Variants in GMDS observed in about 807,000 individuals in gnomAD.
The protein encoded by GMDS is GDP-mannose 4,6 dehydratase.
Under a neutral mutation model 49.9 loss-of-function variants are expected in GMDS, and 20 were observed. That is an observed-to-expected ratio of 0.40 (90% confidence interval 0.28 to 0.58). The LOEUF is 0.58. GMDS is among the 20% of genes least tolerant of loss of function. GMDS has a pLI of 0.42. For missense variants in GMDS, 362 were observed against 481.4 expected, an observed-to-expected ratio of 0.75 and a Z score of 2.32; for synonymous variants, 177 against 178.6, an observed-to-expected ratio of 0.99 and a Z score of 0.07.
chr6:2,231,889 A>C (rs1231132927), intron 1 of GMDS, among the ~76,000 whole-genome samples: 1 of 152,230 alleles, frequency 6.6e-6, no homozygotes, highest in Non-Finnish European at 1.5e-5. Context: ...TGAGCAAATG[A>C]AATCAGATAA....
chr6:2,101,923 C>T (rs1186883400), intron 4 of GMDS, among the ~76,000 whole-genome samples: 1 of 152,052 alleles, frequency 6.6e-6, no homozygotes, highest in Non-Finnish European at 1.5e-5. Flanking sequence ...GTATCATAAG[C>T]ACAAAACTTT....
chr6:1,857,316 G>A (rs1399903148), intron 7 of GMDS, among the ~76,000 whole-genome samples: 2 of 152,164 alleles, frequency 1.3e-5, no homozygotes, highest in Admixed American at 6.5e-5. Flanking sequence ...CATCATAAAG[G>A]GAAGCACAGG....
chr6:1,773,083 C>G (rs1157863570), intron 7 of GMDS, among the ~76,000 whole-genome samples: 1 of 151,544 alleles, frequency 6.6e-6, no homozygotes, highest in Non-Finnish European at 1.5e-5. Context: ...AGGGTTTAGA[C>G]TAACTCACTG....
intron 4 of GMDS, among the ~76,000 whole-genome samples, chr6:2,068,230 A>C (rs1455937715): frequency 1.3e-5 from 2 of 152,160 alleles, no homozygotes; most frequent in Non-Finnish European, 2.9e-5. Flanking sequence ...TCATGCTAAA[A>C]ACTCCCAATA....
intron 7 of GMDS, among the ~76,000 whole-genome samples, chr6:1,775,061 G>A (rs1768741359): frequency 6.6e-6 from 1 of 152,186 alleles, no homozygotes; most frequent in Non-Finnish European, 1.5e-5. Flanking sequence ...CAGCTAATAT[G>A]ATTGACAGGA....
chr6:1,856,824 T>C (rs1027176845), intron 7 of GMDS, among the ~76,000 whole-genome samples: 3 of 152,330 alleles, frequency 2.0e-5, no homozygotes, highest in African/African-American at 2.4e-5. Flanking sequence ...GCCATGTGGA[T>C]GTGAACAGAA....
At chr6:2,132,139 ATAGT>A (rs549907475) in intron 1 of GMDS, among the ~76,000 whole-genome samples, 22 of 152,186 alleles carry the variant, frequency 1.4e-4, no homozygotes, top group African/African-American at 2.9e-4. Context: ...TCAGGGTCTA[ATAGT>A]TAGTAGGTAG....
intron 7 of GMDS, among the ~76,000 whole-genome samples, chr6:1,921,453 T>C (rs1302004120): frequency 6.6e-6 from 1 of 152,210 alleles, no homozygotes; most frequent in Non-Finnish European, 1.5e-5. Context: ...AAGCAAGACC[T>C]AGCCAGATAA....
chr6:1,878,432 T>G, intron 7 of GMDS, among the ~76,000 whole-genome samples: 1 of 152,082 alleles, frequency 6.6e-6, no homozygotes, highest in Non-Finnish European at 1.5e-5. Context: ...CTAGGAGATG[T>G]TAGCCCTCAG....
intron 7 of GMDS, among the ~76,000 whole-genome samples, chr6:1,827,851 C>A (rs1771193822): frequency 6.6e-6 from 1 of 152,012 alleles, no homozygotes; most frequent in South Asian, 2.1e-4. Context: ...CCAAAGTTAC[C>A]ACATTCTAAG....
chr6:2,016,401 C>T (rs1175495156), intron 4 of GMDS, among the ~76,000 whole-genome samples: 1 of 152,050 alleles, frequency 6.6e-6, no homozygotes, highest in East Asian at 1.9e-4. Flanking sequence ...ATAAAGAAGG[C>T]ATAACCATCC....
At chr6:1,777,754 G>A (rs1003316892) in intron 7 of GMDS, among the ~76,000 whole-genome samples, 1 of 152,198 alleles carries the variant, frequency 6.6e-6, no homozygotes, top group Non-Finnish European at 1.5e-5. Flanking sequence ...GGGATGGAGG[G>A]ATAGCAAGAG....
intron 7 of GMDS, among the ~76,000 whole-genome samples, chr6:1,831,630 AT>A (rs1756648720): frequency 6.6e-6 from 1 of 152,242 alleles, no homozygotes; most frequent in African/African-American, 2.4e-5. Flanking sequence ...CTGAGGATTC[AT>A]CCGAACACAC....
intron 4 of GMDS, among the ~76,000 whole-genome samples, chr6:2,020,638 C>T (rs1014074764): frequency 6.6e-6 from 1 of 151,682 alleles, no homozygotes; most frequent in African/African-American, 2.4e-5. Flanking sequence ...AAATCAAAAT[C>T]AGAGAGCCCC....
Position 2,122,506 on chromosome 6 carries a change from C to A in GMDS, c.147+2181G>T, listed in dbSNP as rs148204879. On this transcript the variant is annotated intron_variant, in intron 2 of 10. Transcript: ENST00000380815. Reference sequence around the variant, plus strand: ...ACTAATCCTATTCTTTTACTCATGGCCTTCAATAATCAGGGACTGCAGCTG... The same window carrying A: ...ACTAATCCTATTCTTTTACTCATGGACTTCAATAATCAGGGACTGCAGCTG... Among the ~76,000 whole-genome samples, 28 of 151,984 alleles carry A rather than the reference C, an allele frequency of 1.8e-4. No homozygotes were observed. In the East Asian group the frequency reaches 4.4e-3, roughly 24 times the overall value.
In GMDS at chr6:1,742,682, G is replaced by A; in HGVS notation, c.772-96C>T. 1.2e-5 allele frequency: 8 copies of A among 671,582 alleles called. No individual in the cohort carries two copies. In the South Asian group the frequency reaches 1.2e-4, roughly 10 times the overall value. 41.6% of individuals were successfully genotyped at this position (671,582 alleles called of 1,614,324 possible). A position where few individuals can be genotyped will look rare whatever the true frequency, so the allele number is the denominator to read the frequency against. ...TAATCAGATATGGACATCGACAGCTGGAACATGAGCATGAATTTCATAGCA... is the reference window on the plus strand; with the variant it reads ...TAATCAGATATGGACATCGACAGCTAGAACATGAGCATGAATTTCATAGCA... On this transcript the variant is annotated intron_variant, in intron 7 of 10. Coordinates refer to ENST00000380815, the MANE Select transcript of GMDS (RefSeq NM_001500.4).
intron 7 of GMDS, among the ~76,000 whole-genome samples, chr6:1,908,875 C>A (rs906914874): frequency 6.6e-6 from 1 of 152,162 alleles, no homozygotes; most frequent in African/African-American, 2.4e-5. Context: ...CAGGTCTGCA[C>A]CTGACTCACG....
intron 4 of GMDS, among the ~76,000 whole-genome samples, chr6:1,988,347 A>G (rs1183503067): frequency 6.8e-5 from 2 of 29,548 alleles, no homozygotes; most frequent in East Asian, 1.9e-3. Context: ...CTAAATAAAT[A>G]TACAAGTTAA....
intron 7 of GMDS, among the ~76,000 whole-genome samples, chr6:1,764,313 G>A (rs752692839): frequency 5.2e-4 from 79 of 152,146 alleles, no homozygotes; most frequent in Non-Finnish European, 8.7e-4. Flanking sequence ...ACAGAGGCAA[G>A]AGATGGAGGC....
Sources: gnomAD v4.1 joint callset for allele counts (sites outside exome capture counted in the v4.1 genomes callset) on GRCh38, gnomAD v4.1.1 for gene constraint, MANE v1.5 for transcripts, NCBI Gene and HGNC (gene_info 2026-07-23, HGNC 2026-07-21) for gene names.